The following CACNA2D2 variants were observed in gnomAD, a reference collection of about 807,000 sequenced individuals.
CACNA2D2 encodes calcium voltage-gated channel auxiliary subunit alpha2delta 2.
Under a neutral mutation model 166.4 loss-of-function variants are expected in CACNA2D2, and 48 were observed. The observed-to-expected ratio is 0.29, with a 90% CI of 0.23 to 0.37. The LOEUF (loss-of-function observed/expected upper bound fraction) is 0.37. Ranked by LOEUF, CACNA2D2 falls within the 10% of genes least tolerant of loss-of-function variation. The pLI, the probability that CACNA2D2 is intolerant of heterozygous loss-of-function variation, is 1.00. For missense variants in CACNA2D2, 1,122 were observed against 1,433.0 expected, an observed-to-expected ratio of 0.78 and a Z score of 3.50; for synonymous variants, 561 against 573.7, an observed-to-expected ratio of 0.98 and a Z score of 0.32.
chr3:50,467,285 T>C (rs1709864336), intron 2 of CACNA2D2, among the ~76,000 whole-genome samples: 1 of 152,188 alleles, frequency 6.6e-6, no homozygotes, highest in Admixed American at 6.5e-5. Flanking sequence ...ATCATCTATG[T>C]GGGGTTGAGT....
At chr3:50,394,248 A>G in intron 3 of CACNA2D2, 80 bp from the exon 4 acceptor site, 1 of 1,177,026 alleles carries the variant, frequency 8.5e-7, no homozygotes, top group Non-Finnish European at 1.3e-6. Context: ...CTCCATCCCC[A>G]GCACTCCCTG....
rs1019328290 is a variant in CACNA2D2 at position 50,434,484 on chromosome 3, A to G, written c.289-55T>C. Reference sequence around the variant, plus strand: ...CCAGGTGGTCCCACGTCCTCATGCCATGGGCCCTGCATACCCCTCTGCACA... The same window carrying G: ...CCAGGTGGTCCCACGTCCTCATGCCGTGGGCCCTGCATACCCCTCTGCACA... On this transcript the variant is annotated intron_variant, in intron 2 of 37. Coordinates refer to ENST00000424201, the MANE Select transcript of CACNA2D2 (RefSeq NM_006030.4). 8 of 1,271,006 alleles carry G rather than the reference A, an allele frequency of 6.3e-6. No individual in the cohort carries two copies. The African/African-American group carries it at 1.0e-4, about 16-fold the overall frequency. The allele number at this position is 1,271,006 out of a possible 1,614,324, so 78.7% of individuals were successfully genotyped here. A position where few individuals can be genotyped will look rare whatever the true frequency, so the allele number is the denominator to read the frequency against.
intron 1 of CACNA2D2, among the ~76,000 whole-genome samples, chr3:50,490,741 C>A (rs963703716): frequency 1.5e-4 from 23 of 152,326 alleles, no homozygotes; most frequent in African/African-American, 5.5e-4. Flanking sequence ...TGTATGCTAG[C>A]TGGGAGCTCC....
At chr3:50,479,487 G>A (rs1215727726) in intron 1 of CACNA2D2, among the ~76,000 whole-genome samples, 1 of 152,228 alleles carries the variant, frequency 6.6e-6, no homozygotes, top group Non-Finnish European at 1.5e-5. Context: ...TCATTCCATT[G>A]TCACAGAGAT....
At chr3:50,471,385 T>C (rs1257000162) in intron 2 of CACNA2D2, among the ~76,000 whole-genome samples, 1 of 152,110 alleles carries the variant, frequency 6.6e-6, no homozygotes, top group Non-Finnish European at 1.5e-5. Flanking sequence ...CTGTGGGGTC[T>C]AGGGGGGACA....
rs147121806 is a variant in CACNA2D2, at chr3:50,434,908, C to T, written c.289-479G>A. 9.6e-3 allele frequency among the ~76,000 whole-genome samples: 1,456 copies of T among 152,364 alleles called. 12 individuals are homozygous for T. Among genetic ancestry groups the T allele is most frequent in the Middle Eastern group, 0.017 (5 of 294 alleles). On this transcript the variant is annotated intron_variant, in intron 2 of 37. Coordinates refer to ENST00000424201, the MANE Select transcript of CACNA2D2 (RefSeq NM_006030.4). ...GGGCACACACACAGCCATGCCTCCACGCTGCTCAGGCATCTGGACCCTTTT... is the reference window on the plus strand; with the variant it reads ...GGGCACACACACAGCCATGCCTCCATGCTGCTCAGGCATCTGGACCCTTTT...
intron 5 of CACNA2D2, among the ~76,000 whole-genome samples, chr3:50,385,202 T>C (rs1168812719): frequency 6.6e-6 from 1 of 151,360 alleles, no homozygotes; most frequent in African/African-American, 2.4e-5. Flanking sequence ...GGAGGGAAGA[T>C]GGTGGTAGAG....
Position 50,366,789 on chromosome 3 carries a change from A to T in CACNA2D2, c.2589+42T>A. On this transcript the variant is annotated intron_variant, in intron 29 of 37. Coordinates refer to ENST00000424201, the MANE Select transcript of CACNA2D2 (RefSeq NM_006030.4). This position sits in a 1 kb window ranked among gnomAD's most constrained non-coding sequence, Gnocchi z 5.9. Reference sequence around the variant, plus strand: ...GGTGGGGGTTCCAGGGGACTCCAGGAAGGGCACTGCTGGGTTACTGCCCCC... The same window carrying T: ...GGTGGGGGTTCCAGGGGACTCCAGGTAGGGCACTGCTGGGTTACTGCCCCC... The T allele has an allele frequency of 1.3e-6, 2 of 1,594,102 alleles. No homozygotes were observed. Among genetic ancestry groups the T allele is most frequent in the Non-Finnish European group, 1.7e-6 (2 of 1,165,032 alleles).
rs781618684 is a variant in CACNA2D2 at position 50,367,791 on chromosome 3, C to G, written c.2234+21G>C. On this transcript the variant is annotated intron_variant, in intron 25 of 37. Coordinates refer to ENST00000424201, the MANE Select transcript of CACNA2D2 (RefSeq NM_006030.4). This position sits in a 1 kb window ranked among gnomAD's most constrained non-coding sequence, Gnocchi z 6.5. Reference sequence around the variant, plus strand: ...TGGGCCCATCCTAGCCTTCTGCCCCCACAGGCTGGGTGATGCCTACGTGTT... The same window carrying G: ...TGGGCCCATCCTAGCCTTCTGCCCCGACAGGCTGGGTGATGCCTACGTGTT... 1.6e-5 allele frequency: 26 copies of G among 1,612,694 alleles called. No individual in the cohort carries two copies. Among genetic ancestry groups the G allele is most frequent in the Non-Finnish European group, 2.1e-5 (25 of 1,179,198 alleles).
chr3:50,475,393 C>T (rs1051813002), intron 2 of CACNA2D2, among the ~76,000 whole-genome samples: 9 of 152,172 alleles, frequency 5.9e-5, no homozygotes, highest in African/African-American at 1.7e-4. Context: ...TGGCCCAAGC[C>T]CCCGGCAACA....
chr3:50,448,938 C>A (rs1281518146), intron 2 of CACNA2D2, among the ~76,000 whole-genome samples: 1 of 152,074 alleles, frequency 6.6e-6, no homozygotes, highest in Non-Finnish European at 1.5e-5. Context: ...TGGGGGAGAG[C>A]CGCAGCGAAG....
At position 50,366,746 on chromosome 3, in the gene CACNA2D2, GC is replaced by G. The variant is rs1362971675; in HGVS notation, c.2589+84del. ...GCCCTGCCTCCATGTAGGTGTTGGA[GC>G]CACTGAGTGGAGGGTTGGTGGGGGT... is the stretch of plus-strand genomic sequence containing the variant. On this transcript the variant is annotated intron_variant, in intron 29 of 37. Coordinates refer to ENST00000424201, the MANE Select transcript of CACNA2D2 (RefSeq NM_006030.4). This position sits in a 1 kb window ranked among gnomAD's most constrained non-coding sequence, Gnocchi z 5.9. 2 of 1,545,904 alleles carry G rather than the reference GC, an allele frequency of 1.3e-6. No individual in the cohort carries two copies. The highest frequency in any genetic ancestry group is 1.8e-6 in the Non-Finnish European group (2 of 1,123,748).
chr3:50,464,168 T>C (rs550533743), intron 2 of CACNA2D2, among the ~76,000 whole-genome samples: 2 of 152,340 alleles, frequency 1.3e-5, no homozygotes, highest in South Asian at 4.1e-4. Flanking sequence ...CCCCAGGATG[T>C]GGGATCACCC....
At position 50,379,479 on chromosome 3, in the gene CACNA2D2, T is replaced by C; in HGVS notation, c.1105A>G (p.Thr369Ala). The change falls in exon 11 of 38, where the codon ACA (threonine) becomes GCA (alanine). Residue 369 changes from threonine to alanine, a missense_variant. By Grantham distance (58) the Thr-to-Ala change is moderately conservative. Around this residue, in one of 2 missense-constraint regions of CACNA2D2, gnomAD observed 840 missense variants for 1,166.8 expected, o/e 0.72. Coordinates refer to ENST00000424201, the MANE Select transcript of CACNA2D2 (RefSeq NM_006030.4). This position sits in a 1 kb window ranked among gnomAD's most constrained non-coding sequence, Gnocchi z 6.5. ...AVQGMVAKGTTGYKAGFEYAF... is the reference protein window; with the variant it reads ...AVQGMVAKGTAGYKAGFEYAF... ...TACTCAAAGCCGGCCTTGTAGCCTG[T>C]GGTGCCCTTGGCCACCATGCCCTGC... 2 of 1,613,992 alleles carry C rather than the reference T, an allele frequency of 1.2e-6. No individual in the cohort carries two copies. The highest frequency in any genetic ancestry group is 8.5e-7 in the Non-Finnish European group (1 of 1,180,018).
chr3:50,445,452 T>C (rs1708799500), intron 2 of CACNA2D2, among the ~76,000 whole-genome samples: 4 of 152,238 alleles, frequency 2.6e-5, no homozygotes, highest in African/African-American at 9.6e-5. Flanking sequence ...TTACCTCCTC[T>C]GTCAGCACCT....
intron 5 of CACNA2D2, among the ~76,000 whole-genome samples, chr3:50,384,634 T>G (rs1705502661): frequency 6.6e-6 from 1 of 152,050 alleles, no homozygotes; most frequent in Admixed American, 6.5e-5. Flanking sequence ...TTCTCCACAT[T>G]CTTGAAAACC....
At chr3:50,457,927 G>T (rs759826141) in intron 2 of CACNA2D2, among the ~76,000 whole-genome samples, 1 of 152,150 alleles carries the variant, frequency 6.6e-6, no homozygotes, top group Non-Finnish European at 1.5e-5. Context: ...GCCTTGGGGA[G>T]GCTCAGAGAC....
At chr3:50,483,609 G>A (rs949092530) in intron 1 of CACNA2D2, among the ~76,000 whole-genome samples, 2 of 152,214 alleles carry the variant, frequency 1.3e-5, no homozygotes, top group African/African-American at 4.8e-5. Context: ...AGCCTGCTGG[G>A]TTGGGGGGAG....
intron 3 of CACNA2D2, among the ~76,000 whole-genome samples, chr3:50,397,953 T>C (rs540304843): frequency 5.9e-5 from 9 of 152,176 alleles, no homozygotes; most frequent in Admixed American, 2.0e-4. Context: ...GAGCTGACAA[T>C]AGTCAGGCCT....
Sources: allele counts gnomAD v4.1 joint callset (sites outside exome capture counted in the v4.1 genomes callset), GRCh38; gene constraint gnomAD v4.1.1; regional missense constraint gnomAD v4.1.1; non-coding constraint Gnocchi (gnomAD v3.1); transcripts MANE v1.5; gene names NCBI Gene and HGNC (gene_info 2026-07-23, HGNC 2026-07-21).